FBN2: variants seen among roughly 807,000 people sequenced by gnomAD.
FBN2 encodes the protein fibrillin-2.
Under a neutral mutation model 355.6 loss-of-function variants are expected in FBN2, and 105 were observed. The ratio of observed to expected loss-of-function variants is 0.30; its 90% CI spans 0.25 to 0.35. FBN2 has a LOEUF of 0.35. FBN2 is among the 10% of genes least tolerant of loss of function. The pLI is 1.00. For missense variants in FBN2, 3,280 were observed against 3,758.7 expected (o/e 0.87, Z 3.33); for synonymous variants, 1,350 against 1,301.2 (o/e 1.04, Z -0.81).
At chr5:128,440,402 A>G (rs1470527118) in intron 7 of FBN2, among the ~76,000 whole-genome samples, 4 of 152,188 alleles carry the variant, frequency 2.6e-5, no homozygotes, top group Non-Finnish European at 5.9e-5. Context: ...CAGGAAACAT[A>G]CAATCATGGT....
At chr5:128,510,377 G>T (rs1254561319) in intron 5 of FBN2, among the ~76,000 whole-genome samples, 2 of 152,260 alleles carry the variant, frequency 1.3e-5, no homozygotes, top group Non-Finnish European at 2.9e-5. Flanking sequence ...AAACTTCCAT[G>T]TTGTAGCACA....
At chr5:128,325,325 T>C (rs2126882347) in intron 34 of FBN2, among the ~76,000 whole-genome samples, 1 of 152,336 alleles carries the variant, frequency 6.6e-6, no homozygotes, top group South Asian at 2.1e-4. Context: ...GACAGTTAGC[T>C]TTTCTTGTTG....
At chr5:128,275,508 A>G (rs1460998140) in intron 59 of FBN2, among the ~76,000 whole-genome samples, 2 of 151,966 alleles carry the variant, frequency 1.3e-5, no homozygotes, top group African/African-American at 4.8e-5. Context: ...CTACATTTTA[A>G]AAATTTGCTC....
intron 61 of FBN2, among the ~76,000 whole-genome samples, chr5:128,272,457 G>T (rs894708132): frequency 1.2e-5 from 1 of 81,980 alleles, no homozygotes; most frequent in African/African-American, 5.6e-5. Flanking sequence ...GATTTATTTG[G>T]TAAATCATAT....
rs374031658 is a variant in FBN2, at chr5:128,364,653, C to T, written c.2375G>A (p.Arg792His). 7.4e-6 allele frequency: 12 copies of T among 1,613,198 alleles called. No individual in the cohort carries two copies. Among genetic ancestry groups the T allele is most frequent in the Non-Finnish European group, 7.6e-6 (9 of 1,179,384 alleles). The change falls in exon 18 of 65, where the codon CGT becomes CAT. Residue 792 changes from arginine (R) to histidine (H), a missense_variant. Physicochemically the swap from Arg to His is conservative, Grantham distance 29. Transcript: ENST00000262464. ...GICENLRGSY[R>H]CNCNSGYEPD... ...TTCATAGCCACTGTTGCAATTACAA[C>T]GGTAACTACCACGTAAGTTTTCACA... is the stretch of plus-strand genomic sequence containing the variant.
chr5:128,475,179 A>T (rs759697200), intron 5 of FBN2, among the ~76,000 whole-genome samples: 5 of 152,148 alleles, frequency 3.3e-5, no homozygotes, highest in Non-Finnish European at 7.3e-5. Flanking sequence ...GAGCAAAGAC[A>T]TCCCCCGGTC....
chr5:128,427,227 T>C (rs1239582329), intron 7 of FBN2, among the ~76,000 whole-genome samples: 2 of 152,074 alleles, frequency 1.3e-5, no homozygotes, highest in Admixed American at 6.6e-5. Flanking sequence ...AAAGATAATC[T>C]TGAGTTCCTT....
At chr5:128,536,734 G>A (rs1452020668) in intron 1 of FBN2, among the ~76,000 whole-genome samples, 4 of 152,244 alleles carry the variant, frequency 2.6e-5, no homozygotes, top group African/African-American at 9.6e-5. Context: ...TTTAAAGGGC[G>A]AAAAGAGGCA....
chr5:128,404,085 G>C (rs1382433686), intron 8 of FBN2, among the ~76,000 whole-genome samples: 3 of 152,166 alleles, frequency 2.0e-5, no homozygotes, highest in Non-Finnish European at 2.9e-5. Context: ...GTATTAAAAA[G>C]AGCTTTAAGT....
chr5:128,307,960 A>C (rs1261086776), intron 41 of FBN2, among the ~76,000 whole-genome samples: 1 of 152,134 alleles, frequency 6.6e-6, no homozygotes, highest in Non-Finnish European at 1.5e-5. Context: ...ATATATACCG[A>C]GTATTGAGAA....
chr5:128,403,856 G>A (rs977374866), intron 8 of FBN2, among the ~76,000 whole-genome samples: 4 of 151,758 alleles, frequency 2.6e-5, no homozygotes, highest in East Asian at 3.9e-4. Context: ...GAAAATTATC[G>A]TGTCTTATAA....
At chr5:128,265,954 C>T (rs1765104535) in intron 62 of FBN2, among the ~76,000 whole-genome samples, 2 of 152,204 alleles carry the variant, frequency 1.3e-5, no homozygotes, top group Non-Finnish European at 2.9e-5. Flanking sequence ...GTCTGAAATG[C>T]TTCCTTCTGT....
Position 128,340,499 on chromosome 5 carries a change from C to T in FBN2, c.3344-1438G>A, listed in dbSNP as rs532516506. Among the ~76,000 whole-genome samples the T allele has an allele frequency of 4.6e-5, 7 of 152,252 alleles. No homozygotes were observed. The South Asian group carries it at 1.5e-3, about 32-fold the overall frequency. ...AACAATATGTATATTAATTTTCTTT[C>T]TATCTATCAGTATCTAGGACTGGTG... On this transcript the variant is annotated intron_variant, in intron 25 of 64. Coordinates refer to ENST00000262464, the MANE Select transcript of FBN2 (RefSeq NM_001999.4).
chr5:128,261,008 C>A (rs958302146), intron 64 of FBN2, among the ~76,000 whole-genome samples: 1 of 152,174 alleles, frequency 6.6e-6, no homozygotes, highest in African/African-American at 2.4e-5. Flanking sequence ...TTGTTCCAGG[C>A]AGTTCACATG....
chr5:128,349,570 A>G (rs1176038706), intron 22 of FBN2, 98 bp from the exon 23 acceptor site: 3 of 1,352,184 alleles, frequency 2.2e-6, no homozygotes, highest in Non-Finnish European at 3.1e-6. Context: ...TCCACATTCA[A>G]TACAATGTGG....
At chr5:128,407,045 C>T (rs1440836200) in intron 8 of FBN2, among the ~76,000 whole-genome samples, 1 of 152,138 alleles carries the variant, frequency 6.6e-6, no homozygotes, top group Non-Finnish European at 1.5e-5. Context: ...AGGCTCCCAA[C>T]AGACATCTTA....
At chr5:128,454,850 G>A (rs1754341652) in intron 6 of FBN2, among the ~76,000 whole-genome samples, 1 of 152,146 alleles carries the variant, frequency 6.6e-6, no homozygotes, top group Non-Finnish European at 1.5e-5. Context: ...ACCTGGAAAG[G>A]AGCAGAGGCT....
At chr5:128,302,450 T>A (rs1395887644) in intron 46 of FBN2, among the ~76,000 whole-genome samples, 2 of 152,194 alleles carry the variant, frequency 1.3e-5, no homozygotes, top group Admixed American at 6.5e-5. Flanking sequence ...GTATGGCGCA[T>A]AGGAGATATT....
chr5:128,491,781 A>C (rs1755512645), intron 5 of FBN2, among the ~76,000 whole-genome samples: 1 of 152,226 alleles, frequency 6.6e-6, no homozygotes, highest in African/African-American at 2.4e-5. Context: ...TTGAATGGCC[A>C]ATCTTTGGAT....
Sources: gnomAD v4.1 joint callset for allele counts (sites outside exome capture counted in the v4.1 genomes callset) on GRCh38, gnomAD v4.1.1 for gene constraint, MANE v1.5 for transcripts, NCBI Gene and HGNC (gene_info 2026-07-23, HGNC 2026-07-21) for gene names.